The following PLA2G4A variants were observed in gnomAD, a reference collection of about 807,000 sequenced individuals.
The protein encoded by PLA2G4A is phospholipase A2 group IVA.
A neutral mutation model predicts 81.9 loss-of-function variants in PLA2G4A; 40 were observed. The ratio of observed to expected loss-of-function variants is 0.49; its 90% CI spans 0.38 to 0.64. The LOEUF is 0.64. PLA2G4A is among the 30% of genes least tolerant of loss of function. The pLI is 0.00. For synonymous variants in PLA2G4A, 302 were observed against 296.9 expected, an observed-to-expected ratio of 1.02 and a Z score of -0.18; for missense variants, 715 against 905.1, an observed-to-expected ratio of 0.79 and a Z score of 2.69.
At position 186,871,705 on chromosome 1, in the gene PLA2G4A, T is replaced by C. The variant is rs1653278361; in HGVS notation, c.115+1189T>C. Among the ~76,000 whole-genome samples the C allele has an allele frequency of 2.0e-5, 3 of 152,134 alleles. No individual in the cohort carries two copies. The South Asian group carries it at 6.2e-4, about 32-fold the overall frequency. On this transcript the variant is annotated intron_variant, in intron 3 of 17. Coordinates refer to ENST00000367466, the MANE Select transcript of PLA2G4A (RefSeq NM_024420.3). Reference sequence around the variant, plus strand: ...ATGAGACTAGGATGATAAGCCCTGGTAAGACAAAGACTTAGGACTGAGATT... The same window carrying C: ...ATGAGACTAGGATGATAAGCCCTGGCAAGACAAAGACTTAGGACTGAGATT...
At chr1:186,875,182 C>T (rs962053301) in intron 3 of PLA2G4A, among the ~76,000 whole-genome samples, 2 of 152,060 alleles carry the variant, frequency 1.3e-5, no homozygotes, top group East Asian at 3.9e-4. Context: ...TTTGCTTACC[C>T]TGAGATCTAT....
intron 13 of PLA2G4A, among the ~76,000 whole-genome samples, chr1:186,953,242 C>T (rs1410473136): frequency 6.6e-6 from 1 of 152,118 alleles, no homozygotes; most frequent in African/African-American, 2.4e-5. Context: ...ATTACCTGTG[C>T]TTTGGATATT....
chr1:186,884,113 T>G (rs1005011795), intron 3 of PLA2G4A, among the ~76,000 whole-genome samples: 1 of 152,072 alleles, frequency 6.6e-6, no homozygotes, highest in African/African-American at 2.4e-5. Flanking sequence ...GAAGCGGTAT[T>G]GAGAGAAGAG....
chr1:186,870,027 CTT>C (rs1271596807), intron 2 of PLA2G4A, among the ~76,000 whole-genome samples: 2 of 152,166 alleles, frequency 1.3e-5, no homozygotes, highest in East Asian at 3.8e-4. Context: ...GCAGAAAAGA[CTT>C]TTGATTGACT....
intron 1 of PLA2G4A, among the ~76,000 whole-genome samples, chr1:186,851,783 G>T (rs1042782085): frequency 1.4e-4 from 22 of 151,860 alleles, no homozygotes; most frequent in African/African-American, 5.3e-4. Context: ...AATATAAAAT[G>T]TAGTTTCAAA....
chr1:186,946,613 G>C (rs369156087), intron 10 of PLA2G4A, 24 bp from the exon 11 acceptor site: 3 of 1,570,544 alleles, frequency 1.9e-6, no homozygotes, highest in Non-Finnish European at 2.6e-6. Context: ...TTAATGGATT[G>C]CCTTGTTTTT....
intron 1 of PLA2G4A, among the ~76,000 whole-genome samples, chr1:186,853,437 G>T (rs189641658): frequency 6.6e-6 from 1 of 151,658 alleles, no homozygotes; most frequent in Admixed American, 6.6e-5. Context: ...TTTTTTTAAA[G>T]TTGATGTTTA....
At chr1:186,868,184 C>T (rs941993097) in intron 2 of PLA2G4A, among the ~76,000 whole-genome samples, 1 of 148,140 alleles carries the variant, frequency 6.8e-6, no homozygotes, top group Non-Finnish European at 1.5e-5. Context: ...AAGCAATTCT[C>T]TTGCTTCAGC....
At chr1:186,922,058 T>C (rs1313703394) in intron 7 of PLA2G4A, among the ~76,000 whole-genome samples, 1 of 152,182 alleles carries the variant, frequency 6.6e-6, no homozygotes, top group Non-Finnish European at 1.5e-5. Context: ...CATAGTCTCC[T>C]TTAAATCCCT....
At chr1:186,906,928 CT>C (rs762587000) in intron 5 of PLA2G4A, 36 bp from the exon 6 acceptor site, 2 of 1,133,994 alleles carry the variant, frequency 1.8e-6, no homozygotes, top group South Asian at 2.5e-5. Context: ...CACATATCTA[CT>C]TTATGACCTA....
At position 186,904,774 on chromosome 1, in the gene PLA2G4A, G is replaced by A. The variant is rs561594175; in HGVS notation, c.379-2191G>A. On this transcript the variant is annotated intron_variant, in intron 5 of 17. Coordinates refer to ENST00000367466, the MANE Select transcript of PLA2G4A (RefSeq NM_024420.3). ...ACATAAAGTGTGTGCTAATGGAGAA[G>A]ACAAATTTGACTATAAATGCAGCAT... 6.4e-4 allele frequency among the ~76,000 whole-genome samples: 98 copies of A among 152,264 alleles called. 1 individual carries two copies. Among genetic ancestry groups the A allele is most frequent in the African/African-American group, 2.3e-3 (94 of 41,546 alleles).
At chr1:186,965,796 G>A (rs1177839531) in intron 15 of PLA2G4A, among the ~76,000 whole-genome samples, 1 of 152,098 alleles carries the variant, frequency 6.6e-6, no homozygotes, top group Non-Finnish European at 1.5e-5. Context: ...GCTCAATAAA[G>A]GTCAGAGCCC....
chr1:186,950,725 A>C lies in PLA2G4A; in HGVS notation c.1333A>C (p.Lys445Gln). The change falls in exon 13 of 18, where the codon AAA becomes CAA. Residue 445 changes from lysine (K) to glutamine (Q), a missense_variant. Physicochemically the swap from Lys to Gln is moderately conservative, Grantham distance 53 (BLOSUM62 1). Transcript: ENST00000367466. ...CAGTGATGATGAATCACACGAACCCAAAGGTGAGTGAGCCGGAAACTTTTC... is the reference window on the plus strand; with the variant it reads ...CAGTGATGATGAATCACACGAACCCCAAGGTGAGTGAGCCGGAAACTTTTC... ...SDSDDESHEP[K>Q]GTENEDAGSD... The C allele has an allele frequency of 6.3e-7, 1 of 1,579,334 alleles. No homozygotes were observed. The highest frequency in any genetic ancestry group is 1.3e-5 in the African/African-American group (1 of 74,322).
intron 1 of PLA2G4A, among the ~76,000 whole-genome samples, chr1:186,847,498 A>G (rs1253667847): frequency 6.6e-6 from 1 of 151,966 alleles, no homozygotes; most frequent in Non-Finnish European, 1.5e-5. Flanking sequence ...TCACCTATGT[A>G]TTGGACTTTA....
At chr1:186,934,505 C>CAT (rs58064022) in intron 8 of PLA2G4A, among the ~76,000 whole-genome samples, 33 of 140,070 alleles carry the variant, frequency 2.4e-4, no homozygotes, top group East Asian at 4.2e-4. Flanking sequence ...TAAATGTGCA[C>CAT]ATATATATAT....
intron 2 of PLA2G4A, among the ~76,000 whole-genome samples, chr1:186,855,975 A>G (rs1216812682): frequency 1.3e-5 from 2 of 151,710 alleles, no homozygotes; most frequent in Non-Finnish European, 2.9e-5. Flanking sequence ...AAATCCTCCA[A>G]TTTTTTCTTC....
At chr1:186,977,541 G>A in intron 15 of PLA2G4A, 52 bp from the exon 16 acceptor site, 1 of 1,239,500 alleles carries the variant, frequency 8.1e-7, no homozygotes. Context: ...CAGACCAACT[G>A]AATCAATGAA....
intron 3 of PLA2G4A, among the ~76,000 whole-genome samples, chr1:186,889,165 C>A (rs1244123555): frequency 6.6e-6 from 1 of 152,170 alleles, no homozygotes; most frequent in Non-Finnish European, 1.5e-5. Flanking sequence ...CCTTCCCACT[C>A]AATCTTTTTG....
chr1:186,968,522 T>C (rs1487277987), intron 15 of PLA2G4A, among the ~76,000 whole-genome samples: 1 of 151,482 alleles, frequency 6.6e-6, no homozygotes, highest in Non-Finnish European at 1.5e-5. Flanking sequence ...TCATTAAATA[T>C]TTAAGAAAAC....
Sources: gnomAD v4.1 joint callset for allele counts (sites outside exome capture counted in the v4.1 genomes callset) on GRCh38, gnomAD v4.1.1 for gene constraint, MANE v1.5 for transcripts, NCBI Gene and HGNC (gene_info 2026-07-23, HGNC 2026-07-21) for gene names.